The following DISP1 variants were observed in gnomAD, a reference collection of about 807,000 sequenced individuals.
DISP1 encodes the protein protein dispatched homolog 1.
DISP1 carries 30 observed loss-of-function variants against 37.3 expected under a neutral mutation model. That is an observed-to-expected ratio of 0.80 (90% CI 0.60 to 1.09). The LOEUF is 1.09. Ranked by LOEUF, DISP1 falls within the 50% of genes least tolerant of loss-of-function variation. The probability of loss-of-function intolerance (pLI) is 0.00; values close to 1 mark genes in which losing one functional copy is unlikely to be tolerated. For synonymous variants in DISP1, 634 were observed against 690.2 expected (o/e 0.92, Z 1.28); for missense variants, 1,598 against 1,879.5 (o/e 0.85, Z 2.77).
At chr1:222,979,546 C>T in intron 3 of DISP1, 1 of 468,286 alleles carries the variant, frequency 2.1e-6, no homozygotes, top group South Asian at 1.6e-5. Context: ...AATTATATCT[C>T]AATAAAACTC....
chr1:222,887,438 CAT>C (rs1670657948), intron 1 of DISP1, among the ~76,000 whole-genome samples: 1 of 147,116 alleles, frequency 6.8e-6, no homozygotes, highest in African/African-American at 2.5e-5. Flanking sequence ...TAGTTTTAAA[CAT>C]AATAGTTTCC....
rs144331733 is a variant in DISP1, at chr1:222,970,622, A to T, written c.510-12458A>T. Among the ~76,000 whole-genome samples, 531 of 152,308 alleles carry T rather than the reference A, an allele frequency of 3.5e-3. 3 individuals are homozygous for T. Among genetic ancestry groups the T allele is most frequent in the African/African-American group, 0.012 (503 of 41,578 alleles). On this transcript the variant is annotated intron_variant, in intron 3 of 8. Coordinates refer to ENST00000675850, the MANE Select transcript of DISP1 (RefSeq NM_001377229.1). The stretch of plus-strand genomic sequence containing the variant: ...ACAGGAAAATACAATAGAATTTCAC[A>T]GCAGGAAAGGACCTTAGAAATAATT...
chr1:222,981,583 A>T (rs1677841196), intron 3 of DISP1, among the ~76,000 whole-genome samples: 1 of 152,232 alleles, frequency 6.6e-6, no homozygotes, highest in South Asian at 2.1e-4. Context: ...GTTCATGGGT[A>T]TACTAGGAAT....
At chr1:222,830,365 C>T (rs1665432825) in intron 1 of DISP1, among the ~76,000 whole-genome samples, 1 of 151,346 alleles carries the variant, frequency 6.6e-6, no homozygotes, top group African/African-American at 2.4e-5. Context: ...TTCTTTCTTC[C>T]TTCCGTCCTT....
chr1:222,992,471 C>T (rs547282301), intron 7 of DISP1, among the ~76,000 whole-genome samples: 121 of 152,130 alleles, frequency 8.0e-4, no homozygotes, highest in African/African-American at 2.9e-3. Flanking sequence ...TGCATTGAAC[C>T]TTGAAATAAT....
chr1:222,994,876 T>C lies in DISP1; in HGVS notation c.890-9T>C. 2 of 1,581,270 alleles carry C rather than the reference T, an allele frequency of 1.3e-6. No homozygotes were observed. Among genetic ancestry groups the C allele is most frequent in the Non-Finnish European group, 1.7e-6 (2 of 1,151,304 alleles). Reference sequence around the variant, plus strand: ...CCTTTTTCTTTCCTTTTTTTTTTCATATCACCAGGTGACCGATATTCCAGA... The same window carrying C: ...CCTTTTTCTTTCCTTTTTTTTTTCACATCACCAGGTGACCGATATTCCAGA... On this transcript the variant is annotated splice_polypyrimidine_tract_variant and intron_variant, in intron 7 of 8. Coordinates refer to ENST00000675850, the MANE Select transcript of DISP1 (RefSeq NM_001377229.1).
intron 1 of DISP1, among the ~76,000 whole-genome samples, chr1:222,913,987 T>C (rs1397460703): frequency 6.8e-6 from 1 of 147,778 alleles, no homozygotes; most frequent in Non-Finnish European, 1.5e-5. Context: ...TACTGTTATA[T>C]GTGTTTTTTT....
intron 1 of DISP1, among the ~76,000 whole-genome samples, chr1:222,865,325 T>A (rs1057186361): frequency 6.6e-6 from 1 of 152,168 alleles, no homozygotes; most frequent in Admixed American, 6.5e-5. Flanking sequence ...ATTAAGACTT[T>A]TTCACAAAAC....
At position 223,004,679 on chromosome 1, in the gene DISP1, G is replaced by T. The variant is rs1351680322; in HGVS notation, c.3282G>T (p.Gly1094=). Residue 1094 remains glycine (G), a synonymous_variant, in exon 9 of 9, where the codon GGG becomes GGT. Coordinates refer to ENST00000675850, the MANE Select transcript of DISP1 (RefSeq NM_001377229.1). This position sits in a 1 kb window ranked among gnomAD's most constrained non-coding sequence, Gnocchi z 4.9. ...CTGCCCTGACCACCTTCGTGGCAGG[G>T]GCCATGATGATGCCCTCCACAGTTC... is the stretch of plus-strand genomic sequence containing the variant. The part of the protein sequence containing the change: ...AMAALTTFVA[G]AMMMPSTVLA... 6.2e-7 allele frequency: 1 copy of T among 1,614,016 alleles called. No homozygotes were observed. Among genetic ancestry groups the T allele is most frequent in the Non-Finnish European group, 8.5e-7 (1 of 1,180,020 alleles).
chr1:222,895,496 T>C (rs1481610566), intron 1 of DISP1, among the ~76,000 whole-genome samples: 1 of 152,252 alleles, frequency 6.6e-6, no homozygotes, highest in African/African-American at 2.4e-5. Context: ...TCTGTGATTT[T>C]CTTTTCCTTT....
intron 8 of DISP1, among the ~76,000 whole-genome samples, chr1:223,000,271 G>GTT (rs1679341860): frequency 6.6e-6 from 1 of 152,144 alleles, no homozygotes; most frequent in Non-Finnish European, 1.5e-5. Flanking sequence ...GACCCTAGTG[G>GTT]TTTGTATGTT....
At chr1:222,842,306 G>A (rs1376760482) in intron 1 of DISP1, among the ~76,000 whole-genome samples, 1 of 125,210 alleles carries the variant, frequency 8.0e-6, no homozygotes, top group Admixed American at 8.1e-5. Flanking sequence ...AATAAAACCT[G>A]TCATTTTAAA....
chr1:222,917,918 A>G (rs988202167), intron 1 of DISP1, among the ~76,000 whole-genome samples: 26 of 152,356 alleles, frequency 1.7e-4, no homozygotes, highest in Non-Finnish European at 2.6e-4. Flanking sequence ...GGAAAATGTC[A>G]TAAGTGTAGA....
chr1:222,834,048 C>T (rs753587480), intron 1 of DISP1, among the ~76,000 whole-genome samples: 6 of 152,154 alleles, frequency 3.9e-5, no homozygotes, highest in Non-Finnish European at 7.4e-5. Flanking sequence ...GCAACTACAA[C>T]AGTAAGGCAC....
At chr1:222,892,041 T>TA in intron 1 of DISP1, among the ~76,000 whole-genome samples, 1 of 152,156 alleles carries the variant, frequency 6.6e-6, no homozygotes, top group African/African-American at 2.4e-5. Context: ...TACATAAAGA[T>TA]ACGTAAGAGA....
chr1:222,898,620 T>G (rs1396023301), intron 1 of DISP1, among the ~76,000 whole-genome samples: 2 of 152,036 alleles, frequency 1.3e-5, no homozygotes, highest in East Asian at 3.8e-4. Flanking sequence ...CTTGGGTAAC[T>G]GTGTTATGCT....
chr1:222,925,790 A>G lies in DISP1; in HGVS notation c.-158-2640A>G, dbSNP rs547028903. 1.4e-4 allele frequency among the ~76,000 whole-genome samples: 21 copies of G among 152,308 alleles called. No homozygotes were observed. In the South Asian group the frequency reaches 4.1e-3, roughly 30 times the overall value. Reference sequence around the variant, plus strand: ...TCAAGCCCTACCCCAGACCTTCAGAATCAGAATTCTGGGGGATGGGACTCA... The same window carrying G: ...TCAAGCCCTACCCCAGACCTTCAGAGTCAGAATTCTGGGGGATGGGACTCA... On this transcript the variant is annotated intron_variant, in intron 1 of 8. Transcript: ENST00000675850.
At chr1:222,868,890 ATATG>A (rs1329174307) in intron 1 of DISP1, among the ~76,000 whole-genome samples, 1 of 152,158 alleles carries the variant, frequency 6.6e-6, no homozygotes, top group African/African-American at 2.4e-5. Flanking sequence ...TAAATGATTC[ATATG>A]TATATTTTTT....
chr1:222,816,098 T>C (rs1392945158), intron 1 of DISP1, among the ~76,000 whole-genome samples: 2 of 137,396 alleles, frequency 1.5e-5, no homozygotes, highest in African/African-American at 2.7e-5. Context: ...TATATATATA[T>C]ATATAAATAT....
Sources: gnomAD v4.1 joint callset for allele counts (sites outside exome capture counted in the v4.1 genomes callset) on GRCh38, gnomAD v4.1.1 for gene constraint, Gnocchi (gnomAD v3.1) non-coding constraint, MANE v1.5 for transcripts, NCBI Gene and HGNC (gene_info 2026-07-23, HGNC 2026-07-21) for gene names.